The following NEK1 variants were observed in gnomAD, a reference collection of about 807,000 sequenced individuals.
NEK1 encodes serine/threonine-protein kinase Nek1.
A neutral mutation model predicts 182.1 loss-of-function variants in NEK1; 137 were observed. The ratio of observed to expected loss-of-function variants is 0.75; its 90% CI spans 0.65 to 0.87. The LOEUF (loss-of-function observed/expected upper bound fraction) is 0.87. Ranked by LOEUF, NEK1 falls within the 40% of genes least tolerant of loss-of-function variation. The pLI is 0.00. For missense variants in NEK1, 1,391 were observed against 1,494.4 expected (o/e 0.93, Z 1.14); for synonymous variants, 513 against 492.2 (o/e 1.04, Z -0.56).
intron 19 of NEK1, among the ~76,000 whole-genome samples, chr4:169,514,289 G>C (rs553055837): frequency 3.6e-4 from 54 of 152,072 alleles, no homozygotes; most frequent in African/African-American, 1.2e-3. Context: ...CACCCGGCAA[G>C]GATTTTTGTA....
intron 19 of NEK1, among the ~76,000 whole-genome samples, chr4:169,521,634 G>C (rs1300668410): frequency 6.6e-6 from 1 of 152,172 alleles, no homozygotes; most frequent in African/African-American, 2.4e-5. Flanking sequence ...AATTCTTTTA[G>C]TTTCCTGCAT....
Position 169,507,023 on chromosome 4 carries a change from G to A in NEK1, c.2007+14C>T, listed in dbSNP as rs1199455289. On this transcript the variant is annotated intron_variant, in intron 23 of 35. Transcript: ENST00000507142. Reference sequence around the variant, plus strand: ...TTAATACAACCAGGATTAAGAATATGAGCTAAATCTTACATGCTCTTCCCA... The same window carrying A: ...TTAATACAACCAGGATTAAGAATATAAGCTAAATCTTACATGCTCTTCCCA... The A allele has an allele frequency of 6.4e-7, 1 of 1,559,058 alleles. No individual in the cohort carries two copies. Among genetic ancestry groups the A allele is most frequent in the South Asian group, 1.1e-5 (1 of 87,428 alleles).
rs370086259 is a variant in NEK1, at chr4:169,477,187, C to T, written c.2371G>A (p.Gly791Arg). 1.2e-6 allele frequency: 2 copies of T among 1,608,660 alleles called. No individual in the cohort carries two copies. Among genetic ancestry groups the T allele is most frequent in the Non-Finnish European group, 1.7e-6 (2 of 1,177,344 alleles). ...TCCAGAGGAATCACAAGTTGACCTC[C>T]TGCCTCCCACTTCTTGCGATCAGAT... Reference protein sequence around the residue: ...VSSDRKKWEAGGQLVIPLDEL... With the variant: ...VSSDRKKWEARGQLVIPLDEL... Residue 791 changes from glycine (G) to arginine (R), a missense_variant, in exon 26 of 36, where the codon GGA becomes AGA. Physicochemically the swap from Gly to Arg is moderately radical, Grantham distance 125. Transcript: ENST00000507142.
At chr4:169,407,185 C>T (rs1417739347) in intron 31 of NEK1, among the ~76,000 whole-genome samples, 4 of 152,182 alleles carry the variant, frequency 2.6e-5, no homozygotes, top group Non-Finnish European at 5.9e-5. Context: ...ATTTGTTCCG[C>T]TTTCACGGTG....
intron 11 of NEK1, among the ~76,000 whole-genome samples, chr4:169,578,751 A>C (rs1183784023): frequency 6.6e-6 from 1 of 152,174 alleles, no homozygotes; most frequent in Non-Finnish European, 1.5e-5. Context: ...AAAAATAAAA[A>C]CAATATAAGC....
chr4:169,417,928 A>C (rs1734813564), intron 31 of NEK1, among the ~76,000 whole-genome samples: 1 of 152,246 alleles, frequency 6.6e-6, no homozygotes, highest in South Asian at 2.1e-4. Flanking sequence ...CCAGGGAGGT[A>C]GAACTAGAAA....
intron 29 of NEK1, among the ~76,000 whole-genome samples, chr4:169,429,166 G>A (rs973758037): frequency 1.3e-5 from 2 of 152,022 alleles, no homozygotes; most frequent in Non-Finnish European, 1.5e-5. Flanking sequence ...TGTAGATTTT[G>A]GTATACGAAG....
chr4:169,495,480 G>A (rs1022165044), intron 23 of NEK1, among the ~76,000 whole-genome samples: 3 of 152,078 alleles, frequency 2.0e-5, no homozygotes, highest in African/African-American at 4.8e-5. Flanking sequence ...CTGACCTCGT[G>A]ATCCGCCCGT....
chr4:169,447,173 C>T (rs1473316071), intron 27 of NEK1, among the ~76,000 whole-genome samples: 2 of 152,102 alleles, frequency 1.3e-5, no homozygotes, highest in Admixed American at 6.5e-5. Context: ...CAAAGACAAA[C>T]AAAGGAGAAA....
At chr4:169,485,643 A>C (rs1227560336) in intron 23 of NEK1, among the ~76,000 whole-genome samples, 1 of 152,192 alleles carries the variant, frequency 6.6e-6, no homozygotes, top group African/African-American at 2.4e-5. Context: ...GAAAAATATA[A>C]AAATTTGGAA....
intron 18 of NEK1, among the ~76,000 whole-genome samples, chr4:169,544,599 GTTTTTTTT>G (rs139478702): frequency 6.0e-5 from 4 of 66,300 alleles, no homozygotes; most frequent in Middle Eastern, 0.014. Context: ...TCTGGTCATG[GTTTTTTTT>G]TTTTTTTTTT....
intron 31 of NEK1, among the ~76,000 whole-genome samples, chr4:169,420,378 C>T (rs1429970145): frequency 6.6e-6 from 1 of 152,190 alleles, no homozygotes; most frequent in Non-Finnish European, 1.5e-5. Flanking sequence ...TAAAAATACA[C>T]AAACCAGGCA....
At chr4:169,548,278 G>A (rs745542898) in intron 18 of NEK1, among the ~76,000 whole-genome samples, 1 of 152,216 alleles carries the variant, frequency 6.6e-6, no homozygotes, top group Non-Finnish European at 1.5e-5. Context: ...GTGTTCGCCT[G>A]GGTATCACTG....
intron 29 of NEK1, among the ~76,000 whole-genome samples, chr4:169,432,256 G>A (rs1284157820): frequency 6.6e-6 from 1 of 152,126 alleles, no homozygotes; most frequent in African/African-American, 2.4e-5. Flanking sequence ...GAAAAGTTTA[G>A]CAAGGCTGTG....
Position 169,584,731 on chromosome 4 carries a change from C to T in NEK1, c.807+618G>A, listed in dbSNP as rs191548158. 3.3e-3 allele frequency among the ~76,000 whole-genome samples: 501 copies of T among 152,308 alleles called. 9 individuals carry two copies. The South Asian group carries it at 0.038, about 11-fold the overall frequency. ...ATTAAGCACTTTATGTGTATTATCACTTTTAATTCTCACAATAACCTTATA... is the reference window on the plus strand; with the variant it reads ...ATTAAGCACTTTATGTGTATTATCATTTTTAATTCTCACAATAACCTTATA... On this transcript the variant is annotated intron_variant, in intron 10 of 35. Transcript: ENST00000507142.
At chr4:169,404,081 G>A (rs199583314) in intron 32 of NEK1, among the ~76,000 whole-genome samples, 4 of 151,906 alleles carry the variant, frequency 2.6e-5, no homozygotes, top group Non-Finnish European at 4.4e-5. Context: ...TTGGAAGAAA[G>A]AAAAAATAAA....
At chr4:169,446,938 A>C (rs1468015922) in intron 27 of NEK1, among the ~76,000 whole-genome samples, 2 of 152,228 alleles carry the variant, frequency 1.3e-5, no homozygotes, top group African/African-American at 4.8e-5. Context: ...GAATACCTAC[A>C]AGATCTAAAA....
At chr4:169,569,823 T>G (rs1198750292) in intron 12 of NEK1, among the ~76,000 whole-genome samples, 14 of 152,056 alleles carry the variant, frequency 9.2e-5, no homozygotes, top group Admixed American at 3.9e-4. Context: ...GAGTGCAGTG[T>G]CGTGATCTCG....
intron 31 of NEK1, among the ~76,000 whole-genome samples, chr4:169,422,488 T>C (rs1292513627): frequency 1.3e-5 from 2 of 152,010 alleles, no homozygotes; most frequent in Non-Finnish European, 2.9e-5. Flanking sequence ...ATTTCCTCAA[T>C]CAAGAAAAAA....
Sources: gnomAD v4.1 joint callset for allele counts (sites outside exome capture counted in the v4.1 genomes callset) on GRCh38, gnomAD v4.1.1 for gene constraint, MANE v1.5 for transcripts, NCBI Gene and HGNC (gene_info 2026-07-23, HGNC 2026-07-21) for gene names.